The following ANKRD36C variants were observed in gnomAD, a reference collection of about 807,000 sequenced individuals.
ANKRD36C encodes the protein ankyrin repeat domain-containing protein 36C.
In ANKRD36C, 61 loss-of-function variants were observed where a neutral mutation model predicts 276.4. That is an observed-to-expected ratio of 0.22 (90% CI 0.18 to 0.27). The LOEUF is 0.27. ANKRD36C is among the 10% of genes least tolerant of loss of function. The probability of loss-of-function intolerance (pLI) is 1.00; values close to 1 mark genes in which losing one functional copy is unlikely to be tolerated. For missense variants in ANKRD36C, 1,447 were observed against 2,032.3 expected, an observed-to-expected ratio of 0.71 and a Z score of 5.54; for synonymous variants, 483 against 680.1, an observed-to-expected ratio of 0.71 and a Z score of 4.51.
intron 34 of ANKRD36C, 30 bp downstream of exon 34, chr2:95,921,577 C>T: frequency 6.3e-7 from 1 of 1,592,344 alleles, no homozygotes; most frequent in East Asian, 2.3e-5. Context: ...CTGGATTGAA[C>T]ATGACATTAA....
rs548952680 is a variant in ANKRD36C at position 95,909,919 on chromosome 2, G to A, written c.2653+2325C>T. On this transcript the variant is annotated intron_variant, in intron 42 of 66. Coordinates refer to ENST00000456556, the Ensembl canonical transcript of ANKRD36C. ...TTCACACCTTCCTGCCTCACAATCC[G>A]TCATCCTTGGGAAAATGATTGCTAC... 6.3e-3 allele frequency among the ~76,000 whole-genome samples: 953 copies of A among 150,552 alleles called. 7 individuals carry two copies. The highest frequency in any genetic ancestry group is 0.017 in the Middle Eastern group (5 of 292).
intron 30 of ANKRD36C, among the ~76,000 whole-genome samples, chr2:95,923,976 AT>A (rs1558641912): frequency 6.6e-6 from 1 of 151,712 alleles, no homozygotes; most frequent in Non-Finnish European, 1.5e-5. Context: ...ATGAGGACAA[AT>A]GTGATCTAAA....
intron 34 of ANKRD36C, among the ~76,000 whole-genome samples, chr2:95,920,457 A>G (rs1677232527): frequency 7.5e-6 from 1 of 132,640 alleles, no homozygotes; most frequent in African/African-American, 2.6e-5. Context: ...CACCTTGGAT[A>G]TCTGTTTGCT....
At position 95,960,687 on chromosome 2, in the gene ANKRD36C, C is replaced by A; in HGVS notation, c.902-20G>T. On this transcript the variant is annotated intron_variant, in intron 8 of 66. Coordinates refer to ENST00000456556, the Ensembl canonical transcript of ANKRD36C. ...AAGACACTGAAAACCAGAAGGGATA[C>A]ATAATCACTCATATGTAAATATGAT... is the stretch of plus-strand genomic sequence containing the variant. 1.1e-6 allele frequency: 1 copy of A among 921,676 alleles called. No individual in the cohort carries two copies. The highest frequency in any genetic ancestry group is 2.6e-5 in the Admixed American group (1 of 38,418). 57.1% of individuals were successfully genotyped at this position (921,676 alleles called of 1,614,324 possible).
chr2:95,971,119 A>C (rs1678687921), intron 6 of ANKRD36C, among the ~76,000 whole-genome samples: 2 of 152,170 alleles, frequency 1.3e-5, no homozygotes, highest in Admixed American at 6.6e-5. Context: ...GTTATCCTTA[A>C]TATATGACTA....
chr2:95,891,928 A>T, intron 44 of ANKRD36C, 68 bp from the exon 65 acceptor site: 1 of 1,545,038 alleles, frequency 6.5e-7, no homozygotes, highest in Non-Finnish European at 8.7e-7. Context: ...ACATTCATGC[A>T]GTGTTAGCAT....
At chr2:95,878,413 C>T (rs1425040810) in intron 58 of ANKRD36C, among the ~76,000 whole-genome samples, 1 of 152,226 alleles carries the variant, frequency 6.6e-6, no homozygotes, top group Non-Finnish European at 1.5e-5. Flanking sequence ...TTTCATGGAA[C>T]TGTGATCTTA....
chr2:95,867,517 G>A lies in ANKRD36C; in HGVS notation c.3605C>T (p.Ser1202Leu), dbSNP rs1675707868. Reference sequence around the variant, plus strand: ...ACAGCAAAGCGAGTCACCGTCCTCTGAGACTGTTTGAGATGACTGAATTAT... The same window carrying A: ...ACAGCAAAGCGAGTCACCGTCCTCTAAGACTGTTTGAGATGACTGAATTAT... Residue 1202 changes from serine to leucine, a missense_variant, in exon 60 of 67, where the codon TCA becomes TTA. Transcript: ENST00000456556. 3.5e-6 allele frequency: 5 copies of A among 1,433,640 alleles called. No homozygotes were observed. In the South Asian group the frequency reaches 6.5e-5, roughly 19 times the overall value. 88.8% of individuals were successfully genotyped at this position (1,433,640 alleles called of 1,614,324 possible). A position where few individuals can be genotyped will look rare whatever the true frequency, so the allele number is the denominator to read the frequency against.
In ANKRD36C at chr2:95,891,311, C is replaced by G. The variant is rs540523632; in HGVS notation, c.2857+354G>C. Among the ~76,000 whole-genome samples the G allele has an allele frequency of 1.0e-3, 154 of 151,570 alleles. 1 individual carries two copies. Among genetic ancestry groups the G allele is most frequent in the African/African-American group, 3.6e-3 (148 of 41,462 alleles). ...AGCTTTCTGTCTTTTCTTGGCAGTA[C>G]AATCTGAAGTGTGTAAATTCTATAC... On this transcript the variant is annotated intron_variant, in intron 46 of 66. Coordinates refer to ENST00000456556, the Ensembl canonical transcript of ANKRD36C.
intron 48 of ANKRD36C, 80 bp downstream of exon 68, chr2:95,889,719 C>T (rs1676288467): frequency 1.0e-5 from 15 of 1,491,962 alleles, no homozygotes; most frequent in Non-Finnish European, 1.4e-5. Context: ...ATTTGACGAA[C>T]CCCCCGCTGC....
intron 42 of ANKRD36C, chr2:95,906,666 G>C: frequency 8.0e-6 from 1 of 124,276 alleles, no homozygotes; most frequent in Non-Finnish European, 1.5e-5. Context: ...TCTTTCTCTG[G>C]TTATATTTGA....
At chr2:95,918,686 C>T (rs923002106) in intron 34 of ANKRD36C, among the ~76,000 whole-genome samples, 1 of 151,666 alleles carries the variant, frequency 6.6e-6, no homozygotes, top group Non-Finnish European at 1.5e-5. Context: ...CCAAAACTTT[C>T]TTCGTCAAGT....
chr2:95,919,832 A>T, intron 34 of ANKRD36C, 27 bp from the exon 36 acceptor site: 2 of 1,511,612 alleles, frequency 1.3e-6, no homozygotes, highest in Non-Finnish European at 1.8e-6. Context: ...AGAAAATAAT[A>T]AATAAATAAA....
chr2:95,976,168 T>C (rs1342695423), intron 6 of ANKRD36C, among the ~76,000 whole-genome samples: 2 of 152,210 alleles, frequency 1.3e-5, no homozygotes, highest in Non-Finnish European at 2.9e-5. Flanking sequence ...GGAACACTTT[T>C]ACTCTGTTGG....
intron 26 of ANKRD36C, 111 bp from the exon 27 acceptor site, chr2:95,927,520 G>A (rs971791426): frequency 1.3e-6 from 2 of 1,508,558 alleles, no homozygotes; most frequent in Non-Finnish European, 1.8e-6. Flanking sequence ...ACTAGTGTAG[G>A]CTTTGATGTT....
chr2:95,867,508 C>T lies in ANKRD36C; in HGVS notation c.3614G>A (p.Gly1205Asp), dbSNP rs1179758443. The T allele has an allele frequency of 1.3e-5, 19 of 1,429,726 alleles. No individual in the cohort carries two copies. In the East Asian group the frequency reaches 4.5e-4, roughly 34 times the overall value. 88.6% of individuals were successfully genotyped at this position (1,429,726 alleles called of 1,614,324 possible). Residue 1205 changes from glycine to aspartate, a missense_variant, in exon 60 of 67, where the codon GGT (glycine) becomes GAT (aspartate). By Grantham distance (94) the Gly-to-Asp change is moderately conservative. Transcript: ENST00000456556. ...CTTACAATTACAGCAAAGCGAGTCACCGTCCTCTGAGACTGTTTGAGATGA... is the reference window on the plus strand; with the variant it reads ...CTTACAATTACAGCAAAGCGAGTCATCGTCCTCTGAGACTGTTTGAGATGA...
chr2:95,889,713 G>A lies in ANKRD36C; in HGVS notation c.2959+86C>T, dbSNP rs1363448170. On this transcript the variant is annotated intron_variant, in intron 48 of 66. Transcript: ENST00000456556. ...ATACTGAATCAGAACATGAAGATTT[G>A]ACGAACCCCCCGCTGCTTTATTTGG... 3 of 1,482,372 alleles carry A rather than the reference G, an allele frequency of 2.0e-6. No individual in the cohort carries two copies. The East Asian group carries it at 7.4e-5, about 37-fold the overall frequency. The allele number at this position is 1,482,372 out of a possible 1,614,324, so 91.8% of individuals were successfully genotyped here. A position where few individuals can be genotyped will look rare whatever the true frequency, so the allele number is the denominator to read the frequency against.
At chr2:95,922,883 T>C (rs917308970) in intron 32 of ANKRD36C, among the ~76,000 whole-genome samples, 2 of 151,678 alleles carry the variant, frequency 1.3e-5, no homozygotes, top group Non-Finnish European at 3.0e-5. Flanking sequence ...CTTTCTTTGC[T>C]TCATCCAGTA....
chr2:95,924,850 T>G (rs2696778), intron 30 of ANKRD36C, among the ~76,000 whole-genome samples: 1 of 151,730 alleles, frequency 6.6e-6, no homozygotes, highest in South Asian at 2.1e-4. Context: ...CAAAATTACC[T>G]AAATAACTTC....
Sources: allele counts gnomAD v4.1 joint callset (sites outside exome capture counted in the v4.1 genomes callset), GRCh38; gene constraint gnomAD v4.1.1; transcripts MANE v1.5; gene names NCBI Gene and HGNC (gene_info 2026-07-23, HGNC 2026-07-21).